The following RAB2A variants were observed in gnomAD, a reference collection of about 807,000 sequenced individuals.
The protein encoded by RAB2A is RAB2A, member RAS oncogene family.
RAB2A carries 7 observed loss-of-function variants against 32.5 expected under a neutral mutation model. The observed-to-expected ratio is 0.22, with a 90% CI of 0.12 to 0.40. The LOEUF (loss-of-function observed/expected upper bound fraction) is 0.40, where lower values mean the gene tolerates loss of function less well. Among genes scored for constraint, RAB2A ranks in the 10% least tolerant of loss-of-function variants. The probability of loss-of-function intolerance (pLI) is 1.00; values close to 1 mark genes in which losing one functional copy is unlikely to be tolerated. For missense variants in RAB2A, 108 were observed against 260.7 expected, an observed-to-expected ratio of 0.41 and a Z score of 4.03; for synonymous variants, 79 against 85.2, an observed-to-expected ratio of 0.93 and a Z score of 0.40.
At chr8:60,520,754 T>C (rs1807289633) in intron 1 of RAB2A, among the ~76,000 whole-genome samples, 1 of 152,216 alleles carries the variant, frequency 6.6e-6, no homozygotes, top group South Asian at 2.1e-4. Flanking sequence ...ACTTACATTT[T>C]ATTTTTTATT....
At position 60,623,015 on chromosome 8, in the gene RAB2A, T is replaced by A. The variant is rs1458962633; in HGVS notation, c.*2246T>A. 1 of 152,220 alleles carries A rather than the reference T, an allele frequency of 6.6e-6. No individual in the cohort carries two copies. Among genetic ancestry groups the A allele is most frequent in the Non-Finnish European group, 1.5e-5 (1 of 68,040 alleles). The allele number at this position is 152,220 out of a possible 1,614,324, so 9.4% of individuals were successfully genotyped here. A position where few individuals can be genotyped will look rare whatever the true frequency, so the allele number is the denominator to read the frequency against. On this transcript the variant is annotated 3_prime_UTR_variant, in exon 8 of 8. Transcript: ENST00000262646. Reference sequence around the variant, plus strand: ...ATTGTAATTGAATTTTTAGTTGATCTTCGATCAGTTTTTATAGCATCTATG... The same window carrying A: ...ATTGTAATTGAATTTTTAGTTGATCATCGATCAGTTTTTATAGCATCTATG...
At chr8:60,550,211 A>G (rs1395371824) in intron 1 of RAB2A, among the ~76,000 whole-genome samples, 1 of 152,176 alleles carries the variant, frequency 6.6e-6, no homozygotes. Context: ...TTGATCAGGC[A>G]AAACATTGGA....
In RAB2A at chr8:60,534,258, C is replaced by T. The variant is rs530059742; in HGVS notation, c.46+17005C>T. ...ATGTTGTGACATTCATATATGTTCT[C>T]GCGGTAATCTTAGTAGGTAGCTGCT... is the stretch of plus-strand genomic sequence containing the variant. On this transcript the variant is annotated intron_variant, in intron 1 of 7. Coordinates refer to ENST00000262646, the MANE Select transcript of RAB2A (RefSeq NM_002865.3). Among the ~76,000 whole-genome samples the T allele has an allele frequency of 2.6e-5, 4 of 152,242 alleles. No individual in the cohort carries two copies. In the East Asian group the frequency reaches 7.7e-4, roughly 29 times the overall value.
intron 2 of RAB2A, among the ~76,000 whole-genome samples, chr8:60,562,412 A>G (rs1476585647): frequency 6.6e-6 from 1 of 152,182 alleles, no homozygotes; most frequent in Non-Finnish European, 1.5e-5. Context: ...GTTAAGGGAA[A>G]CTACACCCAG....
At chr8:60,590,363 C>T (rs970647686) in intron 5 of RAB2A, among the ~76,000 whole-genome samples, 1 of 151,106 alleles carries the variant, frequency 6.6e-6, no homozygotes, top group African/African-American at 2.4e-5. Flanking sequence ...CCAGGCTTAA[C>T]GCAGTGTCTC....
At chr8:60,601,653 C>G (rs149101333) in intron 6 of RAB2A, among the ~76,000 whole-genome samples, 17 of 152,200 alleles carry the variant, frequency 1.1e-4, no homozygotes, top group Admixed American at 1.1e-3. Flanking sequence ...TGCATAGACT[C>G]TCTTAATTAC....
At chr8:60,551,800 C>T (rs1335554556) in intron 1 of RAB2A, among the ~76,000 whole-genome samples, 5 of 151,674 alleles carry the variant, frequency 3.3e-5, no homozygotes, top group African/African-American at 1.2e-4. Flanking sequence ...TTCAAGCAAT[C>T]CTCTGTCCTT....
intron 6 of RAB2A, among the ~76,000 whole-genome samples, chr8:60,610,192 C>G (rs906317866): frequency 1.3e-5 from 2 of 151,878 alleles, no homozygotes; most frequent in African/African-American, 4.8e-5. Flanking sequence ...AAGACTATAG[C>G]TGAAAATACA....
Position 60,576,607 on chromosome 8 carries a change from A to AT in RAB2A, c.186+4502dup, listed in dbSNP as rs555004721. Reference sequence around the variant, plus strand: ...AGTTTCTTCTCAGCAAATCACAGGCATTTTTTTTCTCCTTTGAAAAACATG... The same window carrying AT: ...AGTTTCTTCTCAGCAAATCACAGGCATTTTTTTTTCTCCTTTGAAAAACATG... On this transcript the variant is annotated intron_variant, in intron 3 of 7. Coordinates refer to ENST00000262646, the MANE Select transcript of RAB2A (RefSeq NM_002865.3). 4.0e-4 allele frequency among the ~76,000 whole-genome samples: 61 copies of AT among 152,216 alleles called. 1 individual carries two copies. The highest frequency in any genetic ancestry group is 1.5e-3 in the Admixed American group (23 of 15,284).
chr8:60,570,610 G>C (rs753529273), intron 2 of RAB2A, among the ~76,000 whole-genome samples: 1 of 151,958 alleles, frequency 6.6e-6, no homozygotes, highest in Non-Finnish European at 1.5e-5. Flanking sequence ...ACACTGTAAT[G>C]GTTTTATGTG....
intron 2 of RAB2A, among the ~76,000 whole-genome samples, chr8:60,562,932 G>A (rs1248218078): frequency 1.3e-5 from 2 of 151,870 alleles, no homozygotes; most frequent in African/African-American, 4.8e-5. Flanking sequence ...AAGCAGTATT[G>A]TTAATGCATG....
intron 6 of RAB2A, among the ~76,000 whole-genome samples, chr8:60,612,422 A>G (rs924549665): frequency 1.3e-5 from 2 of 152,228 alleles, no homozygotes; most frequent in Non-Finnish European, 2.9e-5. Flanking sequence ...CAAAAGATGT[A>G]AATAATACAA....
chr8:60,592,365 T>C (rs28495747), intron 6 of RAB2A, among the ~76,000 whole-genome samples: 34,855 of 152,142 alleles, frequency 0.23, 4,085 homozygotes, highest in Middle Eastern at 0.38. Flanking sequence ...CTCAAAGATA[T>C]AAGGTATTGG....
At chr8:60,618,502 G>T in intron 6 of RAB2A, 78 bp from the exon 7 acceptor site, 1 of 645,906 alleles carries the variant, frequency 1.5e-6, no homozygotes, top group Non-Finnish European at 2.2e-6. Flanking sequence ...TGAATGTTAT[G>T]ATATTCTATA....
chr8:60,537,486 G>GT lies in RAB2A; in HGVS notation c.46+20234dup, dbSNP rs550957685. ...AATCCACCCGCCTCGACCTTCCAAA[G>GT]TGCAGGGATTACAGGCGTGAGCCAC... On this transcript the variant is annotated intron_variant, in intron 1 of 7. Transcript: ENST00000262646. Among the ~76,000 whole-genome samples, 454 of 152,232 alleles carry GT rather than the reference G, an allele frequency of 3.0e-3. 3 individuals are homozygous for GT. The highest frequency in any genetic ancestry group is 6.8e-3 in the Middle Eastern group (2 of 294).
In RAB2A at chr8:60,584,761, A is replaced by T; in HGVS notation, c.308A>T (p.Asp103Val). The T allele has an allele frequency of 6.2e-7, 1 of 1,613,738 alleles. No individual in the cohort carries two copies. The highest frequency in any genetic ancestry group is 8.5e-7 in the Non-Finnish European group (1 of 1,179,790). The change falls in exon 5 of 8, where the codon GAT becomes GTT. Residue 103 changes from aspartate (D) to valine (V), a missense_variant. By Grantham distance (152) the Asp-to-Val change is radical. This residue lies in a region of RAB2A where 79 missense variants were observed against 199.8 expected (regional missense o/e 0.40). Coordinates refer to ENST00000262646, the MANE Select transcript of RAB2A (RefSeq NM_002865.3). ...AACCACTTGACAACCTGGTTAGAAG[A>T]TGCCCGCCAGCATTCCAATTCCAAC... ...TFNHLTTWLEDARQHSNSNMV... is the reference protein window; with the variant it reads ...TFNHLTTWLEVARQHSNSNMV...
intron 1 of RAB2A, among the ~76,000 whole-genome samples, chr8:60,548,730 C>T (rs1251206345): frequency 1.5e-5 from 2 of 133,772 alleles, no homozygotes; most frequent in African/African-American, 6.0e-5. Flanking sequence ...GCAGAGGCAC[C>T]CCTCACCTGC....
chr8:60,613,236 G>A (rs1563487449), intron 6 of RAB2A, among the ~76,000 whole-genome samples: 1 of 152,102 alleles, frequency 6.6e-6, no homozygotes, highest in East Asian at 1.9e-4. Context: ...TGGAGTGTCT[G>A]CAGGGCACAT....
chr8:60,585,849 A>G (rs762596609), intron 5 of RAB2A, among the ~76,000 whole-genome samples: 27 of 152,242 alleles, frequency 1.8e-4, no homozygotes, highest in Non-Finnish European at 3.5e-4. Flanking sequence ...AAAACTGAAC[A>G]GTATTCACAG....
Sources: gnomAD v4.1 joint callset for allele counts (sites outside exome capture counted in the v4.1 genomes callset) on GRCh38, gnomAD v4.1.1 for gene constraint, gnomAD v4.1.1 regional missense constraint, MANE v1.5 for transcripts, NCBI Gene and HGNC (gene_info 2026-07-23, HGNC 2026-07-21) for gene names.